Variants in EYS observed in about 807,000 individuals in gnomAD.
EYS encodes the protein protein eyes shut homolog.
A neutral mutation model predicts 282.1 loss-of-function variants in EYS; 250 were observed. That is an observed-to-expected ratio of 0.89 (90% CI 0.80 to 0.98). EYS has a LOEUF of 0.98. Ranked by LOEUF, EYS falls within the 50% of genes least tolerant of loss-of-function variation. The pLI, the probability that EYS is intolerant of heterozygous loss-of-function variation, is 0.00. For missense variants in EYS, 4,016 were observed against 3,709.0 expected, an observed-to-expected ratio of 1.08 and a Z score of -2.15; for synonymous variants, 1,355 against 1,282.9, an observed-to-expected ratio of 1.06 and a Z score of -1.20.
chr6:64,530,432 T>C (rs1209247981), intron 26 of EYS, among the ~76,000 whole-genome samples: 3 of 152,054 alleles, frequency 2.0e-5, no homozygotes, highest in Non-Finnish European at 4.4e-5. Flanking sequence ...CCTAGAGTTA[T>C]GAAATATATT....
At chr6:64,114,344 A>G (rs946038864) in intron 31 of EYS, among the ~76,000 whole-genome samples, 5 of 152,140 alleles carry the variant, frequency 3.3e-5, no homozygotes, top group African/African-American at 1.2e-4. Flanking sequence ...ATGCCTTTCT[A>G]AACTCAAAAA....
intron 26 of EYS, among the ~76,000 whole-genome samples, chr6:64,563,741 T>C (rs1029822774): frequency 2.0e-5 from 3 of 152,100 alleles, no homozygotes; most frequent in Non-Finnish European, 2.9e-5. Flanking sequence ...AATGAAATAT[T>C]CATAGACTAA....
chr6:64,502,382 C>A (rs778424644), intron 26 of EYS, among the ~76,000 whole-genome samples: 2 of 151,890 alleles, frequency 1.3e-5, no homozygotes, highest in Admixed American at 6.6e-5. Flanking sequence ...CTAGGACTCC[C>A]GGCTAATTTT....
chr6:64,886,797 T>C lies in EYS; in HGVS notation c.2892A>G (p.Glu964=). 6.5e-7 allele frequency: 1 copy of C among 1,546,740 alleles called. No individual in the cohort carries two copies. Residue 964 remains glutamate, a synonymous_variant, in exon 19 of 43, where the codon GAA becomes GAG. Transcript: ENST00000503581. ...CEPEYHGPFC[E]LDVNKCKISP... ...AGATTTTACATTTATTTACATCAAG[T>C]TCACAGAAGGGCCCATGGTACTCAG...
At chr6:64,616,800 AATG>A (rs577442937) in intron 24 of EYS, among the ~76,000 whole-genome samples, 151 of 152,262 alleles carry the variant, frequency 9.9e-4, no homozygotes, top group African/African-American at 3.0e-3. Flanking sequence ...CTGGTCTAAT[AATG>A]ATATTTATAA....
chr6:64,987,255 A>G (rs1337947446), intron 14 of EYS, among the ~76,000 whole-genome samples: 1 of 151,508 alleles, frequency 6.6e-6, no homozygotes, highest in Non-Finnish European at 1.5e-5. Flanking sequence ...GCTTCCATGC[A>G]GATAAGCATT....
intron 12 of EYS, among the ~76,000 whole-genome samples, chr6:65,078,442 C>G (rs1386021470): frequency 6.6e-6 from 1 of 151,684 alleles, no homozygotes; most frequent in Non-Finnish European, 1.5e-5. Flanking sequence ...GCAAGATTGC[C>G]AAGAAGAAAA....
chr6:64,252,467 T>C (rs1217941657), intron 30 of EYS, among the ~76,000 whole-genome samples: 2 of 152,148 alleles, frequency 1.3e-5, no homozygotes, highest in Non-Finnish European at 2.9e-5. Flanking sequence ...AATCATCCTG[T>C]CAATCATCAT....
At chr6:64,545,844 A>G (rs577912352) in intron 26 of EYS, among the ~76,000 whole-genome samples, 16 of 152,328 alleles carry the variant, frequency 1.1e-4, no homozygotes, top group African/African-American at 3.6e-4. Flanking sequence ...AAGGAGAACT[A>G]TAAACCACTG....
rs943897522 is a variant in EYS at position 63,947,453 on chromosome 6, C to T, written c.7055+36930G>A. Reference sequence around the variant, plus strand: ...CCTTAAAAATGATAAATAATTACTGCTATTAGCCTACATTTTGCTGGATTT... The same window carrying T: ...CCTTAAAAATGATAAATAATTACTGTTATTAGCCTACATTTTGCTGGATTT... On this transcript the variant is annotated intron_variant, in intron 35 of 42. Coordinates refer to ENST00000503581, the MANE Select transcript of EYS (RefSeq NM_001142800.2). 8.6e-5 allele frequency among the ~76,000 whole-genome samples: 13 copies of T among 151,884 alleles called. No individual in the cohort carries two copies. In the South Asian group the frequency reaches 1.7e-3, roughly 19 times the overall value.
intron 29 of EYS, among the ~76,000 whole-genome samples, chr6:64,349,745 C>T (rs1021785661): frequency 3.3e-5 from 5 of 151,310 alleles, no homozygotes; most frequent in Non-Finnish European, 7.4e-5. Context: ...TTGTTAATGC[C>T]CTATTGATAG....
intron 26 of EYS, among the ~76,000 whole-genome samples, chr6:64,488,177 C>T (rs1776632133): frequency 6.6e-6 from 1 of 151,070 alleles, no homozygotes; most frequent in Non-Finnish European, 1.5e-5. Flanking sequence ...ATAATCTCTT[C>T]TGATAATTCA....
At chr6:64,835,030 G>A (rs183871921) in intron 19 of EYS, among the ~76,000 whole-genome samples, 1 of 151,758 alleles carries the variant, frequency 6.6e-6, no homozygotes, top group East Asian at 1.9e-4. Flanking sequence ...GGAGTTTAAA[G>A]ATGTAAAGTT....
chr6:65,103,299 A>G lies in EYS; in HGVS notation c.2024-45572T>C, dbSNP rs186044746. Among the ~76,000 whole-genome samples, 269 of 151,686 alleles carry G rather than the reference A, an allele frequency of 1.8e-3. 3 individuals carry two copies. The highest frequency in any genetic ancestry group is 6.2e-3 in the African/African-American group (259 of 41,520). ...CATAAGTCTTATGCTATAACAATTG[A>G]AATAAATTATCTGGTGAGAAGACAC... On this transcript the variant is annotated intron_variant, in intron 12 of 42. Coordinates refer to ENST00000503581, the MANE Select transcript of EYS (RefSeq NM_001142800.2).
At chr6:65,019,837 G>A (rs1294956675) in intron 13 of EYS, among the ~76,000 whole-genome samples, 6 of 152,136 alleles carry the variant, frequency 3.9e-5, no homozygotes, top group African/African-American at 1.2e-4. Context: ...GTTCAACGTG[G>A]CTGGGGAGGC....
chr6:63,920,931 T>C (rs1326630057), intron 35 of EYS, among the ~76,000 whole-genome samples: 3 of 151,838 alleles, frequency 2.0e-5, no homozygotes, highest in Non-Finnish European at 2.9e-5. Flanking sequence ...CTCACTCTGT[T>C]GCCCAGGCTG....
chr6:65,319,455 A>G (rs1165339617), intron 11 of EYS, among the ~76,000 whole-genome samples: 1 of 151,890 alleles, frequency 6.6e-6, no homozygotes, highest in African/African-American at 2.4e-5. Context: ...TTGTTCATTG[A>G]ATCTGAAAGT....
chr6:65,006,161 G>C (rs546590482), intron 13 of EYS, among the ~76,000 whole-genome samples: 26 of 152,018 alleles, frequency 1.7e-4, no homozygotes, highest in African/African-American at 6.0e-4. Context: ...CCCACCACCT[G>C]TGCCAGGGCC....
chr6:64,678,854 A>G (rs182972643), intron 22 of EYS, among the ~76,000 whole-genome samples: 1 of 151,702 alleles, frequency 6.6e-6, no homozygotes, highest in Non-Finnish European at 1.5e-5. Context: ...GGGTTTGGTG[A>G]TAGGCGCCTG....
Sources: allele counts gnomAD v4.1 joint callset (sites outside exome capture counted in the v4.1 genomes callset), GRCh38; gene constraint gnomAD v4.1.1; transcripts MANE v1.5; gene names NCBI Gene and HGNC (gene_info 2026-07-23, HGNC 2026-07-21).